Variants in STMN2 observed in about 807,000 individuals in gnomAD.
STMN2 encodes the protein stathmin-2.
Under a neutral mutation model 24.1 loss-of-function variants are expected in STMN2, and 2 were observed. The ratio of observed to expected loss-of-function variants is 0.08; its 90% CI spans 0.03 to 0.26. STMN2 has a LOEUF of 0.26. Ranked by LOEUF, STMN2 falls within the 10% of genes least tolerant of loss-of-function variation. The pLI, the probability that STMN2 is intolerant of heterozygous loss-of-function variation, is 1.00. For missense variants in STMN2, 114 were observed against 213.6 expected (o/e 0.53, Z 2.91); for synonymous variants, 83 against 77.5 (o/e 1.07, Z -0.37).
At chr8:79,640,888 T>A (rs1231247800) in intron 2 of STMN2, among the ~76,000 whole-genome samples, 1 of 152,104 alleles carries the variant, frequency 6.6e-6, no homozygotes, top group East Asian at 1.9e-4. Context: ...ATAATATATA[T>A]AATGGTGCAT....
intron 3 of STMN2, among the ~76,000 whole-genome samples, chr8:79,644,562 C>A (rs7823140): frequency 0.045 from 6,820 of 152,204 alleles, 253 homozygotes; most frequent in East Asian, 0.22. Flanking sequence ...CACTGACCTG[C>A]AAAGGATTTT....
intron 1 of STMN2, among the ~76,000 whole-genome samples, chr8:79,633,636 T>C (rs760692522): frequency 4.6e-5 from 7 of 152,214 alleles, no homozygotes; most frequent in Non-Finnish European, 8.8e-5. Flanking sequence ...CAAAAGGAGA[T>C]TGAGCTAGCT....
chr8:79,614,110 A>G (rs1009196850), intron 1 of STMN2, among the ~76,000 whole-genome samples: 1 of 152,234 alleles, frequency 6.6e-6, no homozygotes, highest in African/African-American at 2.4e-5. Flanking sequence ...GTGAAATGGT[A>G]GCCGCCATCC....
intron 1 of STMN2, among the ~76,000 whole-genome samples, chr8:79,612,602 T>C (rs1037376871): frequency 2.0e-5 from 3 of 152,072 alleles, no homozygotes; most frequent in Non-Finnish European, 4.4e-5. Context: ...TCATCCGCAA[T>C]TGGTCTTGTG....
intron 1 of STMN2, among the ~76,000 whole-genome samples, chr8:79,629,598 C>T (rs982999621): frequency 3.9e-5 from 6 of 152,128 alleles, no homozygotes; most frequent in Admixed American, 2.0e-4. Context: ...TTGAAGGACA[C>T]TGGATATTCT....
intron 1 of STMN2, among the ~76,000 whole-genome samples, chr8:79,636,004 C>G (rs1203623487): frequency 6.6e-6 from 1 of 152,016 alleles, no homozygotes; most frequent in African/African-American, 2.4e-5. Context: ...ATTGCTTGAG[C>G]CCGGGAATTC....
In STMN2 at chr8:79,664,956, G is replaced by A. The variant is rs1806571872; in HGVS notation, c.*82G>A. 1.7e-6 allele frequency: 2 copies of A among 1,200,896 alleles called. No homozygotes were observed. Among genetic ancestry groups the A allele is most frequent in the Non-Finnish European group, 2.3e-6 (2 of 872,546 alleles). The allele number at this position is 1,200,896 out of a possible 1,614,324, so 74.4% of individuals were successfully genotyped here. ...ATGGATCATGCGATATCAGGATGGG[G>A]AATGTATGACATGGTTTAAAAAGAA... is the stretch of plus-strand genomic sequence containing the variant. On this transcript the variant is annotated 3_prime_UTR_variant, in exon 5 of 5. Transcript: ENST00000220876.
At chr8:79,615,506 A>G (rs540821689) in intron 1 of STMN2, among the ~76,000 whole-genome samples, 243 of 152,306 alleles carry the variant, frequency 1.6e-3, no homozygotes, top group African/African-American at 5.3e-3. Context: ...TTTTTTCATT[A>G]AAAAAGAAAA....
At chr8:79,644,405 A>G (rs567031532) in intron 3 of STMN2, among the ~76,000 whole-genome samples, 1 of 152,216 alleles carries the variant, frequency 6.6e-6, no homozygotes, top group African/African-American at 2.4e-5. Context: ...TCCAGCAGAA[A>G]CAGAGCTTCT....
At chr8:79,631,317 G>A (rs962326022) in intron 1 of STMN2, 1 of 458,474 alleles carries the variant, frequency 2.2e-6, no homozygotes, top group African/African-American at 2.1e-5. Flanking sequence ...CTTCTTAAAT[G>A]TCCCTTTATT....
At chr8:79,642,122 C>T (rs1810113944) in intron 3 of STMN2, among the ~76,000 whole-genome samples, 1 of 152,204 alleles carries the variant, frequency 6.6e-6, no homozygotes, top group Non-Finnish European at 1.5e-5. Context: ...GGAAGTTGGT[C>T]CTTCCAAGAT....
At chr8:79,631,703 A>C (rs1196993976) in intron 1 of STMN2, among the ~76,000 whole-genome samples, 2 of 152,226 alleles carry the variant, frequency 1.3e-5, no homozygotes, top group Non-Finnish European at 2.9e-5. Flanking sequence ...AGAAGATCAC[A>C]GGGATGGACC....
chr8:79,646,664 C>A (rs987668503), intron 3 of STMN2, among the ~76,000 whole-genome samples: 1 of 152,028 alleles, frequency 6.6e-6, no homozygotes, highest in Admixed American at 6.6e-5. Flanking sequence ...GTGGTAGCAA[C>A]TGAAGTCAGA....
Position 79,664,335 on chromosome 8 carries a change from C to T in STMN2, c.481-480C>T, listed in dbSNP as rs190533262. On this transcript the variant is annotated intron_variant, in intron 4 of 4. Transcript: ENST00000220876. ...AAAAGATGGGGGTTATGACTGGAAA[C>T]GTCACTTGGACTGCAATTATGAAGG... is the stretch of plus-strand genomic sequence containing the variant. 7.6e-4 allele frequency among the ~76,000 whole-genome samples: 115 copies of T among 152,262 alleles called. 2 individuals carry two copies. The highest frequency in any genetic ancestry group is 2.7e-3 in the East Asian group (14 of 5,184).
At chr8:79,619,588 G>A (rs1394136456) in intron 1 of STMN2, among the ~76,000 whole-genome samples, 5 of 152,018 alleles carry the variant, frequency 3.3e-5, no homozygotes, top group Non-Finnish European at 5.9e-5. Flanking sequence ...CCAGACTCTC[G>A]GGAAGAACAT....
At chr8:79,643,562 A>AT in intron 3 of STMN2, among the ~76,000 whole-genome samples, 1 of 152,238 alleles carries the variant, frequency 6.6e-6, no homozygotes, top group Middle Eastern at 3.4e-3. Context: ...CAACATCCTG[A>AT]TTTAGGATGT....
At chr8:79,664,592 T>C (rs910460844) in intron 4 of STMN2, among the ~76,000 whole-genome samples, 2 of 152,232 alleles carry the variant, frequency 1.3e-5, no homozygotes, top group Admixed American at 1.3e-4. Context: ...CTTTTGGTCA[T>C]AGTTTTAAAC....
In STMN2 at chr8:79,636,883, T is replaced by C. The variant is rs1012795099; in HGVS notation, c.101T>C (p.Ile34Thr). The change falls in exon 2 of 5, where the codon ATC becomes ACC. Residue 34 changes from isoleucine (I) to threonine (T), a missense_variant. Transcript: ENST00000220876. ...TACCCGGAACCTCGCAACATCAACA[T>C]CTATACTTACGATGGTGAGTAACCT... ...CFYPEPRNIN[I>T]YTYDDMEVKQ... 6.2e-7 allele frequency: 1 copy of C among 1,613,622 alleles called. No individual in the cohort carries two copies. The highest frequency in any genetic ancestry group is 1.3e-5 in the African/African-American group (1 of 74,922).
intron 4 of STMN2, 25 bp downstream of exon 4, chr8:79,655,087 G>A: frequency 6.2e-7 from 1 of 1,610,254 alleles, no homozygotes; most frequent in Non-Finnish European, 8.5e-7. Flanking sequence ...GTCCTGAGCA[G>A]ATGGATATAT....
Sources: gnomAD v4.1 joint callset for allele counts (sites outside exome capture counted in the v4.1 genomes callset) on GRCh38, gnomAD v4.1.1 for gene constraint, MANE v1.5 for transcripts, NCBI Gene and HGNC (gene_info 2026-07-23, HGNC 2026-07-21) for gene names.